The following GPHN variants were observed in gnomAD, a reference collection of about 807,000 sequenced individuals.
GPHN encodes the protein gephyrin.
GPHN carries 17 observed loss-of-function variants against 95.5 expected under a neutral mutation model. The observed-to-expected ratio is 0.18, with a 90% CI of 0.12 to 0.27. The LOEUF is 0.27. Ranked by LOEUF, GPHN falls within the 10% of genes least tolerant of loss-of-function variation. The pLI, the probability that GPHN is intolerant of heterozygous loss-of-function variation, is 1.00. For synonymous variants in GPHN, 320 were observed against 322.5 expected, an observed-to-expected ratio of 0.99 and a Z score of 0.08; for missense variants, 660 against 978.1, an observed-to-expected ratio of 0.67 and a Z score of 4.34.
intron 2 of GPHN, among the ~76,000 whole-genome samples, chr14:66,719,215 A>G (rs2070490707): frequency 1.3e-5 from 2 of 152,088 alleles, no homozygotes; most frequent in Non-Finnish European, 2.9e-5. Context: ...TCCCTGTGGC[A>G]TTTTCCCAGT....
At chr14:66,655,889 G>A (rs979529598) in intron 1 of GPHN, among the ~76,000 whole-genome samples, 9 of 151,984 alleles carry the variant, frequency 5.9e-5, no homozygotes. Context: ...TTAATATGAT[G>A]TTTTACATTG....
chr14:67,648,465 T>C, the GPHN span: 1 of 251,628 alleles, frequency 4.0e-6, no homozygotes, highest in East Asian at 8.0e-5. Context: ...CTGATGCAGT[T>C]CTTTGAGTTA....
chr14:67,185,181 G>A (rs1383642541), downstream of GPHN, among the ~76,000 whole-genome samples: 32 of 152,180 alleles, frequency 2.1e-4, no homozygotes, highest in Admixed American at 1.7e-3. Context: ...TGATAACAAA[G>A]TAGAGGGAAG....
chr14:67,515,678 AGCCAACCC>A, the GPHN span, among the ~76,000 whole-genome samples: 1 of 152,092 alleles, frequency 6.6e-6, no homozygotes, highest in Admixed American at 6.5e-5. Context: ...TCCCTGTCCT[AGCCAACCC>A]GCCTGCATTT....
At chr14:66,679,621 C>A (rs1275765746) in intron 1 of GPHN, among the ~76,000 whole-genome samples, 1 of 152,076 alleles carries the variant, frequency 6.6e-6, no homozygotes, top group East Asian at 1.9e-4. Flanking sequence ...ATGCTCTGTT[C>A]ATTTCATTTC....
intron 1 of GPHN, among the ~76,000 whole-genome samples, chr14:66,674,999 A>G (rs527959047): frequency 6.6e-6 from 1 of 152,264 alleles, no homozygotes; most frequent in East Asian, 1.9e-4. Context: ...ATCTTTTATA[A>G]TAGCCATTCT....
intron 9 of GPHN, among the ~76,000 whole-genome samples, chr14:67,004,423 A>C (rs2072458104): frequency 6.6e-6 from 1 of 151,848 alleles, no homozygotes; most frequent in Admixed American, 6.6e-5. Flanking sequence ...TTAAGCATAT[A>C]GAGAATGTTG....
At chr14:67,255,475 A>G in the GPHN span, among the ~76,000 whole-genome samples, 5 of 152,188 alleles carry the variant, frequency 3.3e-5, no homozygotes, top group Non-Finnish European at 7.3e-5. Context: ...AAAATTAAAA[A>G]TGTAATATAT....
chr14:67,032,243 G>C (rs544047445), intron 10 of GPHN, among the ~76,000 whole-genome samples: 2 of 152,116 alleles, frequency 1.3e-5, no homozygotes, highest in Non-Finnish European at 2.9e-5. Context: ...CCAAATAACT[G>C]CCTTCTATCT....
At chr14:67,232,912 ATATT>A in the GPHN span, among the ~76,000 whole-genome samples, 1 of 152,174 alleles carries the variant, frequency 6.6e-6, no homozygotes, top group African/African-American at 2.4e-5. Context: ...TTTAGTCTAA[ATATT>A]TAGTCAGGTC....
At chr14:67,189,945 A>T in the GPHN span, among the ~76,000 whole-genome samples, 1 of 144,504 alleles carries the variant, frequency 6.9e-6, no homozygotes, top group African/African-American at 2.6e-5. Context: ...GGTTCAAGTG[A>T]TTCTCCTGCC....
chr14:67,397,983 G>A, the GPHN span: 33 of 535,326 alleles, frequency 6.2e-5, no homozygotes, highest in South Asian at 3.3e-4. Context: ...TTCTGAGTAC[G>A]TAGCAAAGAC....
At chr14:67,370,256 A>G in the GPHN span, among the ~76,000 whole-genome samples, 1 of 152,210 alleles carries the variant, frequency 6.6e-6, no homozygotes, top group Non-Finnish European at 1.5e-5. Context: ...GACATGTCGC[A>G]GTGCTGCAGA....
At chr14:66,956,080 T>C (rs944558406) in intron 8 of GPHN, among the ~76,000 whole-genome samples, 1 of 152,240 alleles carries the variant, frequency 6.6e-6, no homozygotes, top group African/African-American at 2.4e-5. Flanking sequence ...TGTTCTCTAT[T>C]TCATTTATCT....
chr14:67,394,785 C>G, the GPHN span, among the ~76,000 whole-genome samples: 1 of 152,190 alleles, frequency 6.6e-6, no homozygotes, highest in African/African-American at 2.4e-5. Context: ...CATGGGGGCT[C>G]TGCCCTTGTG....
the GPHN span, among the ~76,000 whole-genome samples, chr14:67,229,060 G>A: frequency 6.6e-6 from 1 of 152,194 alleles, no homozygotes; most frequent in African/African-American, 2.4e-5. Flanking sequence ...ACAGTAATAT[G>A]AGGGACACTA....
chr14:67,019,213 T>C (rs1477068135), intron 9 of GPHN, among the ~76,000 whole-genome samples: 1 of 152,214 alleles, frequency 6.6e-6, no homozygotes, highest in Non-Finnish European at 1.5e-5. Context: ...TTGTTTGCTT[T>C]TTTAACAATG....
At chr14:67,662,176 C>CA in the GPHN span, among the ~76,000 whole-genome samples, 9,745 of 145,282 alleles carry the variant, frequency 0.067, 429 homozygotes, top group East Asian at 0.18. Context: ...ACAACAACAA[C>CA]AACAAAAAAA....
At chr14:67,336,213 CCT>C in the GPHN span, 1 of 152,292 alleles carries the variant, frequency 6.6e-6, no homozygotes, top group African/African-American at 2.4e-5. Flanking sequence ...CTTCATTTCT[CCT>C]TTTTTTCTGC....
Sources: allele counts gnomAD v4.1 joint callset (sites outside exome capture counted in the v4.1 genomes callset), GRCh38; gene constraint gnomAD v4.1.1; transcripts MANE v1.5; gene names NCBI Gene and HGNC (gene_info 2026-07-23, HGNC 2026-07-21).